The following CUBN variants were observed in gnomAD, a reference collection of about 807,000 sequenced individuals.
CUBN encodes cubilin, also known as 460 kDa receptor.
Under a neutral mutation model 405.3 loss-of-function variants are expected in CUBN, and 282 were observed. The ratio of observed to expected loss-of-function variants is 0.70; its 90% CI spans 0.63 to 0.77. The LOEUF is 0.77. Among genes scored for constraint, CUBN ranks in the 30% least tolerant of loss-of-function variants. The pLI, the probability that CUBN is intolerant of heterozygous loss-of-function variation, is 0.00. For missense variants in CUBN, 4,514 were observed against 4,475.2 expected (o/e 1.01, Z -0.25); for synonymous variants, 1,684 against 1,617.0 (o/e 1.04, Z -0.99).
chr10:16,861,299 C>T (rs1382122476), intron 59 of CUBN, among the ~76,000 whole-genome samples: 1 of 151,958 alleles, frequency 6.6e-6, no homozygotes, highest in African/African-American at 2.4e-5. Context: ...GTAGCTGGGA[C>T]TACAGGTGTG....
intron 28 of CUBN, among the ~76,000 whole-genome samples, chr10:16,994,624 G>A (rs1383020876): frequency 6.6e-6 from 1 of 152,174 alleles, no homozygotes; most frequent in African/African-American, 2.4e-5. Context: ...CACAGGCAGG[G>A]ATGTTTAGAC....
chr10:16,927,332 A>G (rs746450925), intron 41 of CUBN, among the ~76,000 whole-genome samples: 8 of 152,118 alleles, frequency 5.3e-5, no homozygotes, highest in Non-Finnish European at 1.2e-4. Context: ...TCACACAGCT[A>G]GTTAAATTGT....
chr10:16,938,941 T>C (rs776372702), intron 38 of CUBN, 22 bp downstream of exon 38: 4 of 1,592,592 alleles, frequency 2.5e-6, no homozygotes, highest in Non-Finnish European at 3.4e-6. Flanking sequence ...TTTATGAACA[T>C]TGATTGCATG....
rs141025070 is a variant in CUBN, at chr10:16,979,533, C to T, written c.4695+2951G>A. Among the ~76,000 whole-genome samples, 200 of 152,174 alleles carry T rather than the reference C, an allele frequency of 1.3e-3. 1 individual carries two copies. Among genetic ancestry groups the T allele is most frequent in the African/African-American group, 4.6e-3 (191 of 41,516 alleles). On this transcript the variant is annotated intron_variant, in intron 31 of 66. Transcript: ENST00000377833. ...AACAGAAGAAAGGCCTCAGAAATAA[C>T]GCCACACATCTACAACCATCTGATC...
At chr10:16,921,039 TTG>T (rs1481689152) in intron 43 of CUBN, among the ~76,000 whole-genome samples, 1 of 152,208 alleles carries the variant, frequency 6.6e-6, no homozygotes, top group African/African-American at 2.4e-5. Flanking sequence ...AACTCCGTGG[TTG>T]TGTTCAATTC....
At chr10:17,082,478 A>T (rs955329757) in intron 17 of CUBN, among the ~76,000 whole-genome samples, 4 of 152,202 alleles carry the variant, frequency 2.6e-5, no homozygotes, top group Non-Finnish European at 5.9e-5. Context: ...GTGTTCTGCA[A>T]AGCCTGAGAG....
chr10:16,871,173 G>A (rs1386181793), intron 58 of CUBN, among the ~76,000 whole-genome samples: 1 of 151,496 alleles, frequency 6.6e-6, no homozygotes, highest in East Asian at 1.9e-4. Flanking sequence ...GATTACAGGT[G>A]TCCACCACCA....
At chr10:17,019,787 G>T in intron 28 of CUBN, 46 bp downstream of exon 28, 1 of 1,612,914 alleles carries the variant, frequency 6.2e-7, no homozygotes, top group South Asian at 1.1e-5. Context: ...AAAATTCTTG[G>T]CCAAATAGCA....
At chr10:16,884,806 C>T (rs886734153) in intron 56 of CUBN, among the ~76,000 whole-genome samples, 3 of 152,170 alleles carry the variant, frequency 2.0e-5, no homozygotes, top group Admixed American at 6.5e-5. Context: ...TGGGATACCA[C>T]ATCTTTTCCT....
chr10:16,881,590 C>T (rs142108667), intron 56 of CUBN, among the ~76,000 whole-genome samples: 170 of 152,312 alleles, frequency 1.1e-3, no homozygotes, highest in African/African-American at 3.9e-3. Context: ...AGACAGTCTG[C>T]TTCTCAAAGC....
In CUBN at chr10:16,990,432, T is replaced by C. The variant is rs1384764962; in HGVS notation, c.4252A>G (p.Ile1418Val). ...PNRYPPNKEC[I>V]WYIRTDPGSS... ...CCGGGGTCCGTCCTAATGTACCAGA[T>C]ACACTCCTTGTTTGGTGGATACCTG... The change falls in exon 29 of 67, where the codon ATC (isoleucine) becomes GTC (valine). Residue 1418 changes from isoleucine to valine, a missense_variant. Ile to Val is a conservative substitution (Grantham distance 29, BLOSUM62 3). This residue lies in a region of CUBN where 1,613 missense variants were observed against 1,542.8 expected (regional missense o/e 1.05). Coordinates refer to ENST00000377833, the MANE Select transcript of CUBN (RefSeq NM_001081.4). 3 of 1,614,172 alleles carry C rather than the reference T, an allele frequency of 1.9e-6. No homozygotes were observed. The highest frequency in any genetic ancestry group is 2.7e-5 in the African/African-American group (2 of 75,042).
chr10:17,092,210 C>A (rs528373423), intron 14 of CUBN, among the ~76,000 whole-genome samples: 1 of 152,110 alleles, frequency 6.6e-6, no homozygotes, highest in African/African-American at 2.4e-5. Context: ...TGACTAAGCT[C>A]CTCTCTACCC....
In CUBN at chr10:16,947,300, G is replaced by A. The variant is rs375219681; in HGVS notation, c.5277C>T (p.Pro1759=). The A allele has an allele frequency of 1.2e-6, 2 of 1,613,926 alleles. No individual in the cohort carries two copies. Among genetic ancestry groups the A allele is most frequent in the African/African-American group, 2.7e-5 (2 of 74,910 alleles). The change falls in exon 36 of 67, where the codon CCC becomes CCT. Residue 1759 remains proline, a synonymous_variant. Transcript: ENST00000377833. The part of the protein sequence containing the change: ...FNSPGYPDIY[P]PNVECVWNIV... ...TGTTCCAGACACATTCCACATTAGG[G>A]GGATAAATGTCTGGGTAGCCAGGGC...
intron 28 of CUBN, among the ~76,000 whole-genome samples, chr10:17,016,992 A>G (rs2131776166): frequency 1.3e-5 from 2 of 152,206 alleles, no homozygotes; most frequent in Admixed American, 1.3e-4. Flanking sequence ...TCCCCATCAG[A>G]GAGAGAATAT....
At chr10:17,094,278 GAGCT>G (rs1384895386) in intron 14 of CUBN, among the ~76,000 whole-genome samples, 1 of 152,062 alleles carries the variant, frequency 6.6e-6, no homozygotes, top group African/African-American at 2.4e-5. Flanking sequence ...TATTCTTAGA[GAGCT>G]AATAGGAAAT....
At chr10:17,096,144 T>C (rs1836370437) in intron 14 of CUBN, among the ~76,000 whole-genome samples, 1 of 151,930 alleles carries the variant, frequency 6.6e-6, no homozygotes, top group South Asian at 2.1e-4. Flanking sequence ...GTGGGGGCAA[T>C]AGGGAAATGT....
intron 33 of CUBN, among the ~76,000 whole-genome samples, chr10:16,950,479 T>A (rs1223920174): frequency 6.6e-6 from 1 of 151,964 alleles, no homozygotes; most frequent in Admixed American, 6.6e-5. Flanking sequence ...TTTTACAAAA[T>A]AAAATTAAAA....
intron 14 of CUBN, among the ~76,000 whole-genome samples, chr10:17,092,723 AC>A (rs1836293337): frequency 6.6e-6 from 1 of 152,090 alleles, no homozygotes; most frequent in Non-Finnish European, 1.5e-5. Context: ...AAGAAGAGGA[AC>A]CCTCAGTTCC....
intron 39 of CUBN, among the ~76,000 whole-genome samples, chr10:16,933,648 C>T (rs1006515182): frequency 4.0e-5 from 6 of 151,838 alleles, no homozygotes; most frequent in Admixed American, 1.3e-4. Context: ...ATCATTTTTG[C>T]GTAGTTACTT....
Sources: gnomAD v4.1 joint callset for allele counts (sites outside exome capture counted in the v4.1 genomes callset) on GRCh38, gnomAD v4.1.1 for gene constraint, gnomAD v4.1.1 regional missense constraint, MANE v1.5 for transcripts, NCBI Gene and HGNC (gene_info 2026-07-23, HGNC 2026-07-21) for gene names.